Variants in YEATS2 observed in about 807,000 individuals in gnomAD.
The protein encoded by YEATS2 is YEATS domain-containing protein 2.
YEATS2 carries 77 observed loss-of-function variants against 163.2 expected under a neutral mutation model. That is an observed-to-expected ratio of 0.47 (90% CI 0.39 to 0.57). YEATS2 has a LOEUF of 0.57. Ranked by LOEUF, YEATS2 falls within the 20% of genes least tolerant of loss-of-function variation. The pLI is 0.00. For missense variants in YEATS2, 1,549 were observed against 1,729.8 expected, an observed-to-expected ratio of 0.90 and a Z score of 1.85; for synonymous variants, 631 against 645.1, an observed-to-expected ratio of 0.98 and a Z score of 0.33.
At chr3:183,789,945 A>G (rs993753544) in intron 20 of YEATS2, among the ~76,000 whole-genome samples, 1 of 152,076 alleles carries the variant, frequency 6.6e-6, no homozygotes, top group Admixed American at 6.6e-5. Context: ...CCATCTCTCA[A>G]TCGTCTTGGA....
rs1399220821 is a variant in YEATS2 at position 183,762,684 on chromosome 3, C to G, written c.1947+405C>G. Among the ~76,000 whole-genome samples, 4 of 151,598 alleles carry G rather than the reference C, an allele frequency of 2.6e-5. 1 individual carries two copies. Among genetic ancestry groups the G allele is most frequent in the Non-Finnish European group, 5.9e-5 (4 of 67,958 alleles). On this transcript the variant is annotated intron_variant, in intron 15 of 30. Coordinates refer to ENST00000305135, the MANE Select transcript of YEATS2 (RefSeq NM_018023.5). ...CTGTTACCTGTTTAATGATTCTTAG[C>G]TTTCTGTAGAGTTCTTTTTTTTTTT...
chr3:183,698,405 T>G (rs1217014197), intron 1 of YEATS2, among the ~76,000 whole-genome samples: 1 of 151,996 alleles, frequency 6.6e-6, no homozygotes, highest in African/African-American at 2.4e-5. Context: ...CCACCGGGCC[T>G]CCCTGGGATG....
At chr3:183,788,456 A>T (rs1320234085) in intron 20 of YEATS2, among the ~76,000 whole-genome samples, 3 of 152,158 alleles carry the variant, frequency 2.0e-5, no homozygotes, top group Non-Finnish European at 2.9e-5. Context: ...CTCCAGTTCT[A>T]TCCATGTTGC....
At position 183,797,972 on chromosome 3, in the gene YEATS2, G is replaced by T. The variant is rs971549595; in HGVS notation, c.3147G>T (p.Leu1049=). ...SSQSSPQQAV[L]TIPSQLKPLS... is the part of the protein sequence containing the mutation. ...AGTCCAGTCCGCAGCAGGCCGTCCT[G>T]ACGATTCCCAGCCAGCTCAAACCAC... Residue 1049 remains leucine, a synonymous_variant, in exon 22 of 31, where the codon CTG becomes CTT. Transcript: ENST00000305135. 6.2e-7 allele frequency: 1 copy of T among 1,614,136 alleles called. No individual in the cohort carries two copies. The highest frequency in any genetic ancestry group is 1.7e-5 in the Admixed American group (1 of 60,018).
chr3:183,771,492 A>G (rs1377086433), intron 15 of YEATS2, among the ~76,000 whole-genome samples: 1 of 71,866 alleles, frequency 1.4e-5, no homozygotes, highest in Non-Finnish European at 2.9e-5. Flanking sequence ...AATTTTCATT[A>G]TTTGGGTACT....
At position 183,713,439 on chromosome 3, in the gene YEATS2, T is replaced by G. The variant is rs144388727; in HGVS notation, c.-19-1705T>G. Among the ~76,000 whole-genome samples, 1,314 of 152,202 alleles carry G rather than the reference T, an allele frequency of 8.6e-3. 19 individuals carry two copies. Among genetic ancestry groups the G allele is most frequent in the African/African-American group, 0.03 (1,264 of 41,562 alleles). On this transcript the variant is annotated intron_variant, in intron 1 of 30. Coordinates refer to ENST00000305135, the MANE Select transcript of YEATS2 (RefSeq NM_018023.5). ...TGAGCTGGGTGTGGTGGTGCATGCCTGTAATCTTAGCTACTCAGGAGGCTG... is the reference window on the plus strand; with the variant it reads ...TGAGCTGGGTGTGGTGGTGCATGCCGGTAATCTTAGCTACTCAGGAGGCTG...
At chr3:183,706,063 A>G (rs1049496437) in intron 1 of YEATS2, among the ~76,000 whole-genome samples, 2 of 151,676 alleles carry the variant, frequency 1.3e-5, no homozygotes, top group African/African-American at 4.8e-5. Flanking sequence ...TCCTTCATTT[A>G]TTTTTCCAGA....
chr3:183,796,323 G>A (rs1488828367), intron 21 of YEATS2, among the ~76,000 whole-genome samples: 2 of 151,802 alleles, frequency 1.3e-5, no homozygotes, highest in East Asian at 3.9e-4. Context: ...TTCTTAAAAT[G>A]TGTTTGTATT....
At chr3:183,726,158 G>A (rs1350043637) in intron 6 of YEATS2, among the ~76,000 whole-genome samples, 1 of 151,778 alleles carries the variant, frequency 6.6e-6, no homozygotes, top group Non-Finnish European at 1.5e-5. Context: ...TAGTGTGTCT[G>A]TCAGTCTTTC....
At chr3:183,701,085 A>ATT (rs1366377335) in intron 1 of YEATS2, among the ~76,000 whole-genome samples, 16 of 142,612 alleles carry the variant, frequency 1.1e-4, no homozygotes, top group African/African-American at 3.6e-4. Flanking sequence ...ATATATATAA[A>ATT]TTTTTTTTTT....
At chr3:183,769,572 T>C (rs936828120) in intron 15 of YEATS2, among the ~76,000 whole-genome samples, 1 of 152,246 alleles carries the variant, frequency 6.6e-6, no homozygotes, top group Non-Finnish European at 1.5e-5. Context: ...TTAAATAACT[T>C]ACCTAGCTAC....
chr3:183,732,268 G>A (rs1332521075), intron 7 of YEATS2, among the ~76,000 whole-genome samples: 3 of 151,724 alleles, frequency 2.0e-5, no homozygotes, highest in African/African-American at 7.3e-5. Flanking sequence ...TGCCAACATG[G>A]TGAAACCTTG....
intron 1 of YEATS2, among the ~76,000 whole-genome samples, chr3:183,714,207 T>G (rs1715575820): frequency 6.6e-6 from 1 of 151,376 alleles, no homozygotes; most frequent in South Asian, 2.1e-4. Context: ...ATTTTTTTTT[T>G]TTTTTTGAGA....
At chr3:183,806,053 A>G (rs934556254) in intron 27 of YEATS2, 12 of 344,624 alleles carry the variant, frequency 3.5e-5, no homozygotes, top group Non-Finnish European at 6.3e-5. Context: ...CTAACCTACA[A>G]TGGTTTGACC....
At chr3:183,790,278 CT>C (rs1276007178) in intron 20 of YEATS2, among the ~76,000 whole-genome samples, 2 of 152,192 alleles carry the variant, frequency 1.3e-5, no homozygotes, top group Non-Finnish European at 2.9e-5. Flanking sequence ...TTTGCCTGTG[CT>C]TGCCGTAGCA....
At chr3:183,777,188 G>A (rs1723085953) in intron 18 of YEATS2, among the ~76,000 whole-genome samples, 1 of 152,212 alleles carries the variant, frequency 6.6e-6, no homozygotes, top group African/African-American at 2.4e-5. Flanking sequence ...TGTCACTGAA[G>A]TCTTGGCTCT....
chr3:183,745,668 TC>T (rs965681068), intron 8 of YEATS2, among the ~76,000 whole-genome samples: 4 of 152,214 alleles, frequency 2.6e-5, no homozygotes, highest in African/African-American at 7.2e-5. Context: ...AATTTAAAGT[TC>T]CTAGAATGTG....
Position 183,736,841 on chromosome 3 carries a change from A to G in YEATS2, c.924+12A>G. 6.2e-7 allele frequency: 1 copy of G among 1,603,808 alleles called. No homozygotes were observed. Among genetic ancestry groups the G allele is most frequent in the Non-Finnish European group, 8.5e-7 (1 of 1,173,588 alleles). ...TACATAATCTGAAGGTATTGTAACAAAACATTGCTCCCTAGTTTTGAAGTC... is the reference window on the plus strand; with the variant it reads ...TACATAATCTGAAGGTATTGTAACAGAACATTGCTCCCTAGTTTTGAAGTC... On this transcript the variant is annotated intron_variant, in intron 8 of 30. Coordinates refer to ENST00000305135, the MANE Select transcript of YEATS2 (RefSeq NM_018023.5).
In YEATS2 at chr3:183,722,031, T is replaced by C; in HGVS notation, c.432T>C (p.Ser144=). The C allele has an allele frequency of 6.2e-7, 1 of 1,614,088 alleles. No homozygotes were observed. Among genetic ancestry groups the C allele is most frequent in the Non-Finnish European group, 8.5e-7 (1 of 1,180,024 alleles). ...ATCATTCAGAAAGTGATTCTTTATC[T>C]CAGCACAATGACTTCTTATCTGACA... ...SANHSESDSL[S]QHNDFLSDKD... The change falls in exon 5 of 31, where the codon TCT becomes TCC. Residue 144 remains serine (S), a synonymous_variant. Coordinates refer to ENST00000305135, the MANE Select transcript of YEATS2 (RefSeq NM_018023.5).
Sources: gnomAD v4.1 joint callset for allele counts (sites outside exome capture counted in the v4.1 genomes callset) on GRCh38, gnomAD v4.1.1 for gene constraint, MANE v1.5 for transcripts, NCBI Gene and HGNC (gene_info 2026-07-23, HGNC 2026-07-21) for gene names.